Variants in ASB3 observed in about 807,000 individuals in gnomAD.
The protein encoded by ASB3 is ankyrin repeat and SOCS box protein 3.
In ASB3, 41 loss-of-function variants were observed where a neutral mutation model predicts 54.5. The observed-to-expected ratio is 0.75, with a 90% CI of 0.59 to 0.98. The LOEUF (loss-of-function observed/expected upper bound fraction) is 0.98, where lower values mean the gene tolerates loss of function less well. Among genes scored for constraint, ASB3 ranks in the 50% least tolerant of loss-of-function variants. The probability of loss-of-function intolerance (pLI) is 0.00; values close to 1 mark genes in which losing one functional copy is unlikely to be tolerated. For synonymous variants in ASB3, 266 were observed against 221.2 expected (o/e 1.20, Z -1.80); for missense variants, 733 against 620.0 (o/e 1.18, Z -1.94).
chr2:53,734,513 T>G (rs1671506460), intron 3 of ASB3, among the ~76,000 whole-genome samples: 1 of 152,224 alleles, frequency 6.6e-6, no homozygotes, highest in Admixed American at 6.5e-5. Flanking sequence ...GTGCCTATTA[T>G]GTACCAGGTA....
chr2:53,759,219 G>T (rs1673003812), intron 2 of ASB3, among the ~76,000 whole-genome samples: 1 of 152,218 alleles, frequency 6.6e-6, no homozygotes, highest in African/African-American at 2.4e-5. Flanking sequence ...ATCAGAACAT[G>T]GAGATTGGTG....
intron 3 of ASB3, among the ~76,000 whole-genome samples, chr2:53,736,650 A>T (rs2103944730): frequency 6.6e-6 from 1 of 151,358 alleles, no homozygotes; most frequent in Non-Finnish European, 1.5e-5. Flanking sequence ...AGTGAGCCGA[A>T]ATCGCGCCAC....
chr2:53,770,115 ATCC>A (rs1673790604), intron 1 of ASB3, among the ~76,000 whole-genome samples: 1 of 152,226 alleles, frequency 6.6e-6, no homozygotes, highest in Non-Finnish European at 1.5e-5. Flanking sequence ...ATATATATAT[ATCC>A]TCATTGTAGC....
intron 7 of ASB3, among the ~76,000 whole-genome samples, chr2:53,709,337 T>C (rs1669962467): frequency 6.6e-6 from 1 of 152,208 alleles, no homozygotes; most frequent in East Asian, 1.9e-4. Context: ...ACCCTGTGGG[T>C]GCACAGAATT....
intron 2 of ASB3, 89 bp from the exon 3 acceptor site, chr2:53,751,030 A>G: frequency 7.3e-7 from 1 of 1,361,634 alleles, no homozygotes; most frequent in Non-Finnish European, 9.6e-7. Context: ...AATTTAATGA[A>G]CTATTAAAAT....
At chr2:53,674,041 C>T (rs1667955912) in intron 9 of ASB3, among the ~76,000 whole-genome samples, 1 of 152,166 alleles carries the variant, frequency 6.6e-6, no homozygotes, top group Non-Finnish European at 1.5e-5. Flanking sequence ...CACAAAATCC[C>T]TATGAAAGTT....
intron 9 of ASB3, among the ~76,000 whole-genome samples, chr2:53,691,322 A>G (rs1441260393): frequency 6.6e-6 from 1 of 152,192 alleles, no homozygotes; most frequent in African/African-American, 2.4e-5. Flanking sequence ...AAAGGGCTCA[A>G]ATAAAAAATG....
At chr2:53,676,625 G>C (rs1043765862) in intron 9 of ASB3, among the ~76,000 whole-genome samples, 2 of 152,112 alleles carry the variant, frequency 1.3e-5, no homozygotes, top group African/African-American at 4.8e-5. Flanking sequence ...GTATACAGTA[G>C]CATACAGTAA....
chr2:53,783,254 A>T (rs960706898), intron 1 of ASB3, among the ~76,000 whole-genome samples: 9 of 152,230 alleles, frequency 5.9e-5, no homozygotes, highest in African/African-American at 2.2e-4. Context: ...CTAGATGACT[A>T]GAAACTGTGG....
intron 5 of ASB3, among the ~76,000 whole-genome samples, chr2:53,720,985 G>T (rs1203678907): frequency 6.6e-6 from 1 of 151,812 alleles, no homozygotes; most frequent in African/African-American, 2.4e-5. Context: ...TGGCCACAGG[G>T]GTGCGCGCCT....
intron 9 of ASB3, among the ~76,000 whole-genome samples, chr2:53,679,408 C>G (rs558996642): frequency 6.6e-6 from 1 of 152,228 alleles, no homozygotes; most frequent in East Asian, 1.9e-4. Context: ...AAAAACTGGT[C>G]TTATGGGCTT....
chr2:53,693,794 G>A (rs7563054), intron 9 of ASB3, 90 bp downstream of exon 9: 449,727 of 1,500,338 alleles, frequency 0.3, 71,802 homozygotes, highest in East Asian at 0.57. Flanking sequence ...TGTGTTCACC[G>A]ATGAATCTTA....
At chr2:53,691,951 C>T (rs915706248) in intron 9 of ASB3, among the ~76,000 whole-genome samples, 1 of 152,168 alleles carries the variant, frequency 6.6e-6, no homozygotes, top group Non-Finnish European at 1.5e-5. Flanking sequence ...CACGATAGGA[C>T]AACACAAGAG....
intron 5 of ASB3, among the ~76,000 whole-genome samples, chr2:53,719,221 C>T (rs1444277584): frequency 6.6e-6 from 1 of 152,178 alleles, no homozygotes; most frequent in Non-Finnish European, 1.5e-5. Context: ...CCACGCCCAA[C>T]CAGGGGTCAA....
chr2:53,727,788 C>T (rs1039222900), intron 5 of ASB3, among the ~76,000 whole-genome samples: 3 of 152,098 alleles, frequency 2.0e-5, no homozygotes, highest in Non-Finnish European at 4.4e-5. Context: ...TGCAGTGGTA[C>T]GATCTCAGCT....
intron 3 of ASB3, among the ~76,000 whole-genome samples, chr2:53,747,438 C>A (rs555125430): frequency 6.6e-6 from 1 of 151,904 alleles, no homozygotes; most frequent in African/African-American, 2.4e-5. Context: ...CCCAGCTACT[C>A]GGGAGGCTGA....
At chr2:53,712,297 T>A (rs185271605) in intron 7 of ASB3, among the ~76,000 whole-genome samples, 33 of 152,292 alleles carry the variant, frequency 2.2e-4, no homozygotes, top group East Asian at 1.2e-3. Flanking sequence ...AAATACTGTT[T>A]TTCCCATTAG....
chr2:53,771,957 T>C (rs367940987), intron 1 of ASB3: 41 of 1,397,940 alleles, frequency 2.9e-5, no homozygotes, highest in Non-Finnish European at 3.8e-5. Flanking sequence ...GGTATAAATA[T>C]TCTTTTTTGT....
chr2:53,694,186 A>G, intron 8 of ASB3, 172 bp from the exon 9 acceptor site: 1 of 636,938 alleles, frequency 1.6e-6, no homozygotes. Flanking sequence ...GATATTAACA[A>G]TCATCTACAG....
Sources: allele counts gnomAD v4.1 joint callset (sites outside exome capture counted in the v4.1 genomes callset), GRCh38; gene constraint gnomAD v4.1.1; transcripts MANE v1.5; gene names NCBI Gene and HGNC (gene_info 2026-07-23, HGNC 2026-07-21).